Variants in MAN2A1 observed in about 807,000 individuals in gnomAD.
MAN2A1 encodes the protein mannosidase alpha class 2A member 1, also known as alpha-mannosidase 2.
A neutral mutation model predicts 142.6 loss-of-function variants in MAN2A1; 76 were observed. That is an observed-to-expected ratio of 0.53 (90% CI 0.44 to 0.65). The LOEUF (loss-of-function observed/expected upper bound fraction) is 0.65, where lower values mean the gene tolerates loss of function less well. Among genes scored for constraint, MAN2A1 ranks in the 30% least tolerant of loss-of-function variants. MAN2A1 has a pLI of 0.00. For missense variants in MAN2A1, 1,311 were observed against 1,365.1 expected, an observed-to-expected ratio of 0.96 and a Z score of 0.62; for synonymous variants, 559 against 473.2, an observed-to-expected ratio of 1.18 and a Z score of -2.35.
intron 20 of MAN2A1, among the ~76,000 whole-genome samples, chr5:109,859,718 A>AGGGAGGATCTCAT (rs969553294): frequency 6.6e-6 from 1 of 152,174 alleles, no homozygotes; most frequent in Non-Finnish European, 1.5e-5. Context: ...GAGAAGATGC[A>AGGGAGGATCTCAT]GGGAGGATCT....
intron 5 of MAN2A1, among the ~76,000 whole-genome samples, chr5:109,763,888 G>T (rs1001279983): frequency 6.6e-6 from 1 of 150,388 alleles, no homozygotes; most frequent in East Asian, 1.9e-4. Context: ...TGCAACCTCC[G>T]CCTGCTGGGT....
chr5:109,852,172 A>G (rs1424006383), intron 19 of MAN2A1, among the ~76,000 whole-genome samples: 1 of 151,836 alleles, frequency 6.6e-6, no homozygotes. Flanking sequence ...TTAATACCAT[A>G]CAGACCTACC....
At chr5:109,730,712 T>C (rs1751879548) in intron 4 of MAN2A1, among the ~76,000 whole-genome samples, 1 of 152,192 alleles carries the variant, frequency 6.6e-6, no homozygotes, top group Non-Finnish European at 1.5e-5. Flanking sequence ...CTTTACAAAT[T>C]GTAACTAATA....
intron 20 of MAN2A1, among the ~76,000 whole-genome samples, chr5:109,862,114 C>T (rs1399806589): frequency 6.6e-6 from 1 of 152,140 alleles, no homozygotes; most frequent in Non-Finnish European, 1.5e-5. Context: ...ATTGTCACTG[C>T]GGTTGACCCT....
intron 3 of MAN2A1, among the ~76,000 whole-genome samples, chr5:109,721,225 A>G (rs1017902199): frequency 1.3e-5 from 2 of 152,182 alleles, no homozygotes; most frequent in African/African-American, 4.8e-5. Flanking sequence ...GCCTGATTGT[A>G]AAATCTGTGT....
At chr5:109,700,518 A>G (rs1422362668) in intron 1 of MAN2A1, among the ~76,000 whole-genome samples, 1 of 152,148 alleles carries the variant, frequency 6.6e-6, no homozygotes, top group Non-Finnish European at 1.5e-5. Context: ...CCTGTAGAGC[A>G]TCGGAACATT....
chr5:109,851,611 G>A (rs1755484043), intron 19 of MAN2A1, among the ~76,000 whole-genome samples: 1 of 152,128 alleles, frequency 6.6e-6, no homozygotes, highest in Non-Finnish European at 1.5e-5. Flanking sequence ...CCAGAACTGT[G>A]AGCTGAATAA....
rs549432802 is a variant in MAN2A1 at position 109,713,412 on chromosome 5, G to T, written c.136-108G>T. 9.4e-6 allele frequency: 8 copies of T among 848,354 alleles called. No homozygotes were observed. The East Asian group carries it at 2.0e-4, about 22-fold the overall frequency. 52.6% of individuals were successfully genotyped at this position (848,354 alleles called of 1,614,324 possible). On this transcript the variant is annotated intron_variant, in intron 1 of 21. Coordinates refer to ENST00000261483, the MANE Select transcript of MAN2A1 (RefSeq NM_002372.4). ...CTTATAAAAGTGGAAAGTGAAGGGT[G>T]AGTGGCTGCCCTCGTAGGCAACCAC...
chr5:109,742,504 C>T (rs1271995596), intron 4 of MAN2A1, among the ~76,000 whole-genome samples: 1 of 152,196 alleles, frequency 6.6e-6, no homozygotes, highest in Admixed American at 6.5e-5. Flanking sequence ...TCAACTATCT[C>T]TGCTTGCTTC....
At chr5:109,729,213 C>A in intron 3 of MAN2A1, 129 bp from the exon 4 acceptor site, 1 of 527,260 alleles carries the variant, frequency 1.9e-6, no homozygotes. Context: ...TTGAAAACAC[C>A]TGTTAAATTT....
chr5:109,735,557 C>T (rs542838330), intron 4 of MAN2A1, among the ~76,000 whole-genome samples: 1 of 152,254 alleles, frequency 6.6e-6, no homozygotes, highest in Admixed American at 6.5e-5. Flanking sequence ...AGCCCACTGT[C>T]TGGCACTCTC....
chr5:109,790,600 C>T (rs2112680438), intron 12 of MAN2A1, among the ~76,000 whole-genome samples: 1 of 152,058 alleles, frequency 6.6e-6, no homozygotes, highest in Middle Eastern at 3.4e-3. Flanking sequence ...TATAAAATTA[C>T]AAAATGTTTT....
chr5:109,817,990 C>A (rs1754514621), intron 13 of MAN2A1, among the ~76,000 whole-genome samples: 1 of 152,034 alleles, frequency 6.6e-6, no homozygotes, highest in African/African-American at 2.4e-5. Context: ...TTAAAATAAG[C>A]AATATTAAAC....
chr5:109,761,274 A>C (rs1752836724), intron 5 of MAN2A1, among the ~76,000 whole-genome samples: 1 of 151,796 alleles, frequency 6.6e-6, no homozygotes, highest in South Asian at 2.1e-4. Flanking sequence ...TATAGTAATG[A>C]CATAGGGTAG....
intron 1 of MAN2A1, 138 bp downstream of exon 1, chr5:109,690,690 G>A (rs776543107): frequency 4.1e-6 from 4 of 967,416 alleles, no homozygotes; most frequent in South Asian, 3.1e-5. Context: ...TGTAGCTCTC[G>A]GACGGCAATG....
At chr5:109,691,125 T>A (rs910007476) in intron 1 of MAN2A1, among the ~76,000 whole-genome samples, 1 of 152,150 alleles carries the variant, frequency 6.6e-6, no homozygotes, top group African/African-American at 2.4e-5. Context: ...ATTCTTCAGC[T>A]ATTACATCTG....
At chr5:109,776,848 T>C (rs1437442424) in intron 8 of MAN2A1, among the ~76,000 whole-genome samples, 2 of 152,174 alleles carry the variant, frequency 1.3e-5, no homozygotes, top group African/African-American at 4.8e-5. Context: ...ACCATACACA[T>C]GTACTTTGTG....
At chr5:109,822,899 G>A (rs1447550975) in intron 15 of MAN2A1, among the ~76,000 whole-genome samples, 1 of 152,024 alleles carries the variant, frequency 6.6e-6, no homozygotes, top group Non-Finnish European at 1.5e-5. Flanking sequence ...GGATGGTCTC[G>A]ATCTCCTGAC....
At chr5:109,805,389 T>C (rs1580270616) in intron 12 of MAN2A1, among the ~76,000 whole-genome samples, 1 of 152,358 alleles carries the variant, frequency 6.6e-6, no homozygotes, top group African/African-American at 2.4e-5. Context: ...ACATTTATGG[T>C]CTTAGAAATG....
Sources: allele counts gnomAD v4.1 joint callset (sites outside exome capture counted in the v4.1 genomes callset), GRCh38; gene constraint gnomAD v4.1.1; transcripts MANE v1.5; gene names NCBI Gene and HGNC (gene_info 2026-07-23, HGNC 2026-07-21).